Variants in RELL1 observed in about 807,000 individuals in gnomAD.
RELL1 encodes RELT-like protein 1.
A neutral mutation model predicts 23.0 loss-of-function variants in RELL1; 10 were observed. The ratio of observed to expected loss-of-function variants is 0.43; its 90% confidence interval spans 0.27 to 0.74. RELL1 has a LOEUF of 0.74. RELL1 is among the 30% of genes least tolerant of loss of function. RELL1 has a pLI of 0.19. For missense variants in RELL1, 315 were observed against 364.4 expected (o/e 0.86, Z 1.10); for synonymous variants, 146 against 146.8 (o/e 0.99, Z 0.04).
chr4:37,587,316 G>A (rs746612797), downstream of RELL1, among the ~76,000 whole-genome samples: 1 of 152,132 alleles, frequency 6.6e-6, no homozygotes, highest in Non-Finnish European at 1.5e-5. Flanking sequence ...TAATTTGGGG[G>A]CTGGGGTGGC....
chr4:37,631,710 T>G (rs754104755), intron 5 of RELL1, among the ~76,000 whole-genome samples, 187 bp from the exon 6 acceptor site: 2 of 152,080 alleles, frequency 1.3e-5, no homozygotes, highest in Non-Finnish European at 2.9e-5. Context: ...TGCCCAACCT[T>G]CCAGCTGATT....
At chr4:37,669,898 T>G (rs1380261586) in intron 1 of RELL1, among the ~76,000 whole-genome samples, 1 of 151,768 alleles carries the variant, frequency 6.6e-6, no homozygotes, top group East Asian at 1.9e-4. Flanking sequence ...ACACAAACAA[T>G]GCGGAAGGCC....
rs181244064 is a variant in RELL1 at position 37,600,227 on chromosome 4, G to C, written c.*4-9010C>G. On this transcript the variant is annotated intron_variant, in intron 6 of 6. Coordinates refer to the RELL1 transcript ENST00000314117. ...GGAGGTTGCAGTGAGCCAAGATTGCGCCACTGCACTCCAGCCTGGGTGACA... is the reference window on the plus strand; with the variant it reads ...GGAGGTTGCAGTGAGCCAAGATTGCCCCACTGCACTCCAGCCTGGGTGACA... Among the ~76,000 whole-genome samples the C allele has an allele frequency of 2.1e-5, 3 of 144,058 alleles. No homozygotes were observed. In the East Asian group the frequency reaches 6.2e-4, roughly 30 times the overall value. The allele number at this position is 144,058 out of a possible 152,430, so 94.5% of individuals were successfully genotyped here. A position where few individuals can be genotyped will look rare whatever the true frequency, so the allele number is the denominator to read the frequency against.
intron 6 of RELL1, among the ~76,000 whole-genome samples, chr4:37,624,418 C>CTTTT (rs35118296): frequency 1.1e-4 from 12 of 111,368 alleles, no homozygotes; most frequent in African/African-American, 1.5e-4. Flanking sequence ...TTCTTTCTTT[C>CTTTT]TTTTTTTTTT....
rs79563062 is a variant in RELL1 at position 37,663,279 on chromosome 4, C to T, written c.89-13779G>A. On this transcript the variant is annotated intron_variant, in intron 1 of 6. Coordinates refer to ENST00000454158, the MANE Select transcript of RELL1 (RefSeq NM_001085400.2). ...AGTCTTTATTTACTGATAGCACCGT[C>T]TGTCTCCTGGGAAGGGGCTGGGTGG... Among the ~76,000 whole-genome samples the T allele has an allele frequency of 5.5e-3, 843 of 152,262 alleles. 11 individuals are homozygous for T. The highest frequency in any genetic ancestry group is 0.019 in the African/African-American group (808 of 41,546).
intron 1 of RELL1, 146 bp downstream of exon 1, chr4:37,686,054 G>T: frequency 1.5e-6 from 1 of 682,346 alleles, no homozygotes; most frequent in Admixed American, 3.1e-5. Context: ...GGACCGCCGC[G>T]GGACAGCCAG....
At chr4:37,672,695 TG>T (rs1721872632) in intron 1 of RELL1, among the ~76,000 whole-genome samples, 2 of 147,488 alleles carry the variant, frequency 1.4e-5, no homozygotes, top group African/African-American at 5.0e-5. Context: ...ATGTAGGCAT[TG>T]GATGTATACT....
At chr4:37,631,647 G>A (rs180694204) in intron 5 of RELL1, 124 bp from the exon 6 acceptor site, 531 of 1,052,112 alleles carry the variant, frequency 5.0e-4, no homozygotes, top group Middle Eastern at 1.1e-3. Context: ...GGACACAAAT[G>A]AAAAACAACA....
downstream of RELL1, among the ~76,000 whole-genome samples, chr4:37,587,918 G>A (rs561464094): frequency 2.0e-5 from 3 of 152,190 alleles, no homozygotes; most frequent in Non-Finnish European, 2.9e-5. Flanking sequence ...GCAGTGAGCC[G>A]AGATTGCGCC....
chr4:37,631,589 C>A, intron 5 of RELL1, 66 bp from the exon 6 acceptor site: 3 of 1,545,622 alleles, frequency 1.9e-6, no homozygotes, highest in Admixed American at 1.9e-5. Context: ...ATGAATAAAG[C>A]AAAAATCATC....
chr4:37,647,440 C>A lies in RELL1; in HGVS notation c.314-1G>T. 1 of 1,609,112 alleles carries A rather than the reference C, an allele frequency of 6.2e-7. No individual in the cohort carries two copies. Among genetic ancestry groups the A allele is most frequent in the African/African-American group, 1.3e-5 (1 of 74,918 alleles). On this transcript the variant is annotated splice_acceptor_variant, in intron 2 of 6. Coordinates refer to ENST00000454158, the MANE Select transcript of RELL1 (RefSeq NM_001085400.2). LOFTEE classifies it high-confidence loss of function. ...TTTTCATTCACACTGTCATTCAATTCTGAAAGAGAAAAGAGGAGGGGAGAA... is the reference window on the plus strand; with the variant it reads ...TTTTCATTCACACTGTCATTCAATTATGAAAGAGAAAAGAGGAGGGGAGAA...
intron 6 of RELL1, among the ~76,000 whole-genome samples, chr4:37,622,285 T>C (rs1719795125): frequency 6.6e-6 from 1 of 152,240 alleles, no homozygotes; most frequent in South Asian, 2.1e-4. Flanking sequence ...CACAGATATA[T>C]TGCATAAGCA....
chr4:37,682,706 A>G (rs1722263082), intron 1 of RELL1, among the ~76,000 whole-genome samples: 1 of 152,180 alleles, frequency 6.6e-6, no homozygotes, highest in African/African-American at 2.4e-5. Flanking sequence ...TCCAAACACT[A>G]TATATTATGT....
At chr4:37,639,383 CAAAA>C (rs58310167) in intron 3 of RELL1, among the ~76,000 whole-genome samples, 2 of 66,246 alleles carry the variant, frequency 3.0e-5, no homozygotes, top group African/African-American at 6.1e-5. Context: ...GACTCTGTCT[CAAAA>C]AAAAAAAAAA....
At chr4:37,600,626 CCTTT>C (rs1483180484) in intron 6 of RELL1, among the ~76,000 whole-genome samples, 1 of 152,064 alleles carries the variant, frequency 6.6e-6, no homozygotes, top group Non-Finnish European at 1.5e-5. Context: ...TTAAAATTGA[CCTTT>C]CTTTTATCTT....
chr4:37,625,839 C>A (rs143129401), intron 6 of RELL1, among the ~76,000 whole-genome samples: 3 of 152,030 alleles, frequency 2.0e-5, no homozygotes, highest in African/African-American at 7.2e-5. Context: ...ATAATGTATG[C>A]ATGTTTCAAA....
At chr4:37,587,176 T>C (rs1393102040), downstream of RELL1, among the ~76,000 whole-genome samples, 1 of 152,120 alleles carries the variant, frequency 6.6e-6, no homozygotes, top group Non-Finnish European at 1.5e-5. Flanking sequence ...TCCTCTTCTG[T>C]CTATAATCAA....
chr4:37,654,148 A>G (rs542910268), intron 1 of RELL1, among the ~76,000 whole-genome samples: 3 of 152,354 alleles, frequency 2.0e-5, no homozygotes, highest in South Asian at 4.1e-4. Context: ...TTTTAGTCAT[A>G]ATCATAAAAG....
intron 6 of RELL1, among the ~76,000 whole-genome samples, chr4:37,617,270 T>C (rs569609425): frequency 1.3e-5 from 2 of 152,330 alleles, no homozygotes; most frequent in East Asian, 1.9e-4. Context: ...AGGTGCTTCA[T>C]TGATTCTAAT....
Sources: allele counts gnomAD v4.1 joint callset (sites outside exome capture counted in the v4.1 genomes callset), GRCh38; gene constraint gnomAD v4.1.1; transcripts MANE v1.5; gene names NCBI Gene and HGNC (gene_info 2026-07-23, HGNC 2026-07-21).